Variants in PCGF6 observed in about 807,000 individuals in gnomAD.
The protein encoded by PCGF6 is polycomb group ring finger 6.
A neutral mutation model predicts 45.5 loss-of-function variants in PCGF6; 24 were observed. The ratio of observed to expected loss-of-function variants is 0.53; its 90% CI spans 0.38 to 0.74. The LOEUF is 0.74. Ranked by LOEUF, PCGF6 falls within the 30% of genes least tolerant of loss-of-function variation. The pLI, the probability that PCGF6 is intolerant of heterozygous loss-of-function variation, is 0.00. For missense variants in PCGF6, 356 were observed against 443.2 expected, an observed-to-expected ratio of 0.80 and a Z score of 1.77; for synonymous variants, 152 against 162.1, an observed-to-expected ratio of 0.94 and a Z score of 0.47.
intron 9 of PCGF6, among the ~76,000 whole-genome samples, chr10:103,306,101 CCTT>C (rs1049752643): frequency 2.0e-5 from 3 of 146,838 alleles, no homozygotes; most frequent in Non-Finnish European, 4.5e-5. Flanking sequence ...AAGCAATCCA[CCTT>C]TTTTTTTTTT....
At chr10:103,347,329 A>C (rs368774098) in intron 4 of PCGF6, 32 bp from the exon 5 acceptor site, 22 of 1,590,792 alleles carry the variant, frequency 1.4e-5, no homozygotes, top group East Asian at 1.1e-4. Context: ...ACTAAATTAC[A>C]CTTAAAATGT....
At chr10:103,313,580 T>C (rs928928280) in intron 9 of PCGF6, among the ~76,000 whole-genome samples, 1 of 151,004 alleles carries the variant, frequency 6.6e-6, no homozygotes, top group Non-Finnish European at 1.5e-5. Flanking sequence ...AATGAATAAA[T>C]AAAAATACAA....
At chr10:103,328,377 T>C (rs1375057640) in intron 7 of PCGF6, among the ~76,000 whole-genome samples, 1 of 152,166 alleles carries the variant, frequency 6.6e-6, no homozygotes, top group East Asian at 1.9e-4. Context: ...ATTTTATTTT[T>C]CTAGGTGTCT....
intron 9 of PCGF6, among the ~76,000 whole-genome samples, chr10:103,312,858 G>T (rs1370280570): frequency 6.6e-6 from 1 of 152,154 alleles, no homozygotes; most frequent in Non-Finnish European, 1.5e-5. Context: ...CTACTCGGGA[G>T]GCTGAGGCAG....
chr10:103,311,934 C>G (rs561237499), intron 9 of PCGF6, among the ~76,000 whole-genome samples: 1 of 151,248 alleles, frequency 6.6e-6, no homozygotes, highest in Admixed American at 6.6e-5. Flanking sequence ...ATTAAAAATA[C>G]AAAAATTAGC....
At chr10:103,324,492 C>T (rs1022015725) in intron 8 of PCGF6, among the ~76,000 whole-genome samples, 6 of 151,964 alleles carry the variant, frequency 3.9e-5, no homozygotes, top group Admixed American at 3.9e-4. Flanking sequence ...GGCGCGGTGG[C>T]TTATGCCTGT....
At chr10:103,321,743 T>TA (rs1456314825) in intron 8 of PCGF6, among the ~76,000 whole-genome samples, 3 of 151,858 alleles carry the variant, frequency 2.0e-5, no homozygotes, top group African/African-American at 7.3e-5. Flanking sequence ...ATAATAATAA[T>TA]ATATTGTAAT....
intron 8 of PCGF6, among the ~76,000 whole-genome samples, chr10:103,317,195 G>C (rs1267959642): frequency 1.3e-5 from 2 of 151,922 alleles, no homozygotes; most frequent in African/African-American, 4.8e-5. Context: ...ATTTTTAGTG[G>C]AGATGGGATT....
chr10:103,322,497 C>T (rs1009684626), intron 8 of PCGF6, among the ~76,000 whole-genome samples: 2 of 152,006 alleles, frequency 1.3e-5, no homozygotes, highest in Non-Finnish European at 2.9e-5. Flanking sequence ...CAAGCCACCA[C>T]GGCCAGCCCA....
chr10:103,338,812 G>A (rs551424746), intron 6 of PCGF6, among the ~76,000 whole-genome samples: 3 of 150,882 alleles, frequency 2.0e-5, no homozygotes, highest in South Asian at 4.2e-4. Flanking sequence ...AGGTAGCAGT[G>A]AGCCGAGATC....
chr10:103,349,048 A>C, intron 1 of PCGF6, 49 bp from the exon 2 acceptor site: 1 of 1,513,536 alleles, frequency 6.6e-7, no homozygotes, highest in Non-Finnish European at 9.0e-7. Flanking sequence ...TGCCTTTTAC[A>C]AATTCTTTTT....
rs1298752729 is a variant in PCGF6 at position 103,350,787 on chromosome 10, C to T, written c.280G>A (p.Glu94Lys). 7.0e-6 allele frequency: 11 copies of T among 1,560,800 alleles called. No homozygotes were observed. Among genetic ancestry groups the T allele is most frequent in the Non-Finnish European group, 9.5e-6 (11 of 1,153,300 alleles). Reference protein sequence around the residue: ...LEEEEELEEEEEEEEEDMSHF... With the variant: ...LEEEEELEEEKEEEEEDMSHF... ...CTCATGTCCTCCTCCTCCTCCTCTT[C>T]TTCCTCCTCCAGCTCCTCTTCTTCT... Residue 94 changes from glutamate (E) to lysine (K), a missense_variant, in exon 1 of 10, where the codon GAA (glutamate) becomes AAA (lysine). This residue lies in a region of PCGF6 where 307 missense variants were observed against 350.1 expected (regional missense o/e 0.88). Transcript: ENST00000369847.
At chr10:103,346,618 A>G (rs1000880204) in intron 5 of PCGF6, among the ~76,000 whole-genome samples, 6 of 152,010 alleles carry the variant, frequency 3.9e-5, no homozygotes, top group African/African-American at 1.5e-4. Flanking sequence ...TCAAAAAATA[A>G]TCATAATAAA....
chr10:103,324,741 C>T (rs1347335770), intron 8 of PCGF6, among the ~76,000 whole-genome samples: 3 of 122,356 alleles, frequency 2.5e-5, no homozygotes, highest in South Asian at 2.5e-4. Context: ...GCCTGGGCAA[C>T]GGAGTGAGAC....
chr10:103,306,102 C>CTT (rs535887691), intron 9 of PCGF6, among the ~76,000 whole-genome samples: 18 of 144,084 alleles, frequency 1.2e-4, no homozygotes, highest in South Asian at 4.4e-4. Context: ...AGCAATCCAC[C>CTT]TTTTTTTTTT....
intron 8 of PCGF6, among the ~76,000 whole-genome samples, chr10:103,315,994 G>GTGTGTA (rs1479276491): frequency 2.3e-5 from 3 of 131,974 alleles, no homozygotes; most frequent in South Asian, 2.5e-4. Context: ...GTGTGTGTGT[G>GTGTGTA]TATATATATA....
chr10:103,343,698 T>G (rs762350830), intron 6 of PCGF6, among the ~76,000 whole-genome samples: 51 of 151,790 alleles, frequency 3.4e-4, no homozygotes, highest in Admixed American at 1.3e-3. Flanking sequence ...CCAGGCGTGG[T>G]GGCATGTGCC....
chr10:103,349,128 A>G (rs894937931), intron 1 of PCGF6, 129 bp from the exon 2 acceptor site: 4 of 709,186 alleles, frequency 5.6e-6, no homozygotes, highest in Non-Finnish European at 9.2e-6. Context: ...GTTCACTGCA[A>G]CCTCCGCCTC....
At position 103,309,655 on chromosome 10, in the gene PCGF6, G is replaced by C. The variant is rs528581587; in HGVS notation, c.996+4531C>G. Among the ~76,000 whole-genome samples, 8 of 152,270 alleles carry C rather than the reference G, an allele frequency of 5.3e-5. No individual in the cohort carries two copies. In the South Asian group the frequency reaches 1.5e-3, roughly 28 times the overall value. On this transcript the variant is annotated intron_variant, in intron 9 of 9. Transcript: ENST00000369847. Reference sequence around the variant, plus strand: ...TGCTATTTTAAGAAACAGAGTTCAGGCATGGTGGCTCACACCTATAATCCC... The same window carrying C: ...TGCTATTTTAAGAAACAGAGTTCAGCCATGGTGGCTCACACCTATAATCCC...
Sources: allele counts gnomAD v4.1 joint callset (sites outside exome capture counted in the v4.1 genomes callset), GRCh38; gene constraint gnomAD v4.1.1; regional missense constraint gnomAD v4.1.1; transcripts MANE v1.5; gene names NCBI Gene and HGNC (gene_info 2026-07-23, HGNC 2026-07-21).